PLD5: variants seen among roughly 807,000 people sequenced by gnomAD.
The protein encoded by PLD5 is inactive phospholipase D5.
A neutral mutation model predicts 61.1 loss-of-function variants in PLD5; 36 were observed. The ratio of observed to expected loss-of-function variants is 0.59; its 90% confidence interval spans 0.45 to 0.78. PLD5 has a LOEUF of 0.78. Among genes scored for constraint, PLD5 ranks in the 30% least tolerant of loss-of-function variants. The pLI is 0.00. For synonymous variants in PLD5, 243 were observed against 242.8 expected, an observed-to-expected ratio of 1.00 and a Z score of -0.01; for missense variants, 515 against 644.4, an observed-to-expected ratio of 0.80 and a Z score of 2.17.
At chr1:242,392,504 G>A (rs1255776307) in intron 1 of PLD5, among the ~76,000 whole-genome samples, 1 of 152,192 alleles carries the variant, frequency 6.6e-6, no homozygotes, top group Non-Finnish European at 1.5e-5. Flanking sequence ...CTGCTGACCT[G>A]GGTTAGAAGC....
At chr1:242,098,724 C>T (rs537328097) in intron 9 of PLD5, among the ~76,000 whole-genome samples, 5 of 152,294 alleles carry the variant, frequency 3.3e-5, no homozygotes, top group African/African-American at 9.6e-5. Context: ...TGGTGACGTA[C>T]AGATGGGGTT....
chr1:242,362,076 T>C (rs1661100669), intron 1 of PLD5, among the ~76,000 whole-genome samples: 1 of 151,878 alleles, frequency 6.6e-6, no homozygotes, highest in Non-Finnish European at 1.5e-5. Context: ...ACAAAAATTA[T>C]CCAAAAATTA....
At chr1:242,376,734 C>T (rs778054093) in intron 1 of PLD5, among the ~76,000 whole-genome samples, 5 of 152,002 alleles carry the variant, frequency 3.3e-5, no homozygotes, top group East Asian at 1.9e-4. Context: ...CTCTTTTAAA[C>T]GCAAATACTG....
chr1:242,109,019 C>T (rs192662152), intron 7 of PLD5, among the ~76,000 whole-genome samples: 10 of 152,336 alleles, frequency 6.6e-5, no homozygotes, highest in East Asian at 3.9e-4. Context: ...CCTGGATCCA[C>T]GCTACAGTTT....
At chr1:242,128,265 A>G (rs1212767004) in intron 5 of PLD5, among the ~76,000 whole-genome samples, 1 of 151,852 alleles carries the variant, frequency 6.6e-6, no homozygotes, top group Non-Finnish European at 1.5e-5. Context: ...TGATTGCCCT[A>G]CTGCACTCTA....
chr1:242,246,179 C>A (rs2149072353), intron 4 of PLD5, among the ~76,000 whole-genome samples: 1 of 151,768 alleles, frequency 6.6e-6, no homozygotes, highest in East Asian at 1.9e-4. Flanking sequence ...ACCAGCCTGG[C>A]AACACAGTGA....
At chr1:242,426,940 T>C (rs13374892) in intron 1 of PLD5, among the ~76,000 whole-genome samples, 19,986 of 152,128 alleles carry the variant, frequency 0.13, 1,378 homozygotes, top group African/African-American at 0.16. Flanking sequence ...CAACCCACCA[T>C]GCTTTTTACC....
intron 2 of PLD5, among the ~76,000 whole-genome samples, chr1:242,336,985 T>A (rs1574756626): frequency 6.6e-6 from 1 of 152,212 alleles, no homozygotes; most frequent in Non-Finnish European, 1.5e-5. Context: ...ATGATCACCA[T>A]CATTCTACGC....
At chr1:242,159,258 A>C (rs1054878558) in intron 5 of PLD5, among the ~76,000 whole-genome samples, 3 of 152,272 alleles carry the variant, frequency 2.0e-5, no homozygotes, top group Non-Finnish European at 1.5e-5. Flanking sequence ...TTAAGATTTC[A>C]GTTGGGTTTG....
intron 1 of PLD5, among the ~76,000 whole-genome samples, chr1:242,478,447 C>T (rs758131786): frequency 7.2e-5 from 11 of 152,178 alleles, no homozygotes; most frequent in Non-Finnish European, 1.2e-4. Flanking sequence ...AGACCCTGGT[C>T]CTGTCACTGC....
intron 1 of PLD5, among the ~76,000 whole-genome samples, chr1:242,452,923 A>G (rs530434055): frequency 6.6e-6 from 1 of 152,288 alleles, no homozygotes; most frequent in African/African-American, 2.4e-5. Flanking sequence ...AACAGTGAAA[A>G]GTCTGAGACC....
intron 5 of PLD5, chr1:242,203,727 A>G (rs923150968): frequency 6.6e-6 from 1 of 152,272 alleles, no homozygotes; most frequent in Admixed American, 6.6e-5. Flanking sequence ...CACGCTTCCT[A>G]TACAGCCTGC....
rs573901455 is a variant in PLD5 at position 242,442,447 on chromosome 1, C to T, written c.189+81641G>A. On this transcript the variant is annotated intron_variant, in intron 1 of 9. Transcript: ENST00000536534. ...GCACTGTTACATAAATGGGATTATTCGCTTCTTTTTTAAAACAAAAAATAA... is the reference window on the plus strand; with the variant it reads ...GCACTGTTACATAAATGGGATTATTTGCTTCTTTTTTAAAACAAAAAATAA... Among the ~76,000 whole-genome samples the T allele has an allele frequency of 3.2e-4, 49 of 152,188 alleles. No homozygotes were observed. In the South Asian group the frequency reaches 5.6e-3, roughly 17 times the overall value.
chr1:242,484,384 C>T (rs1192813300), intron 1 of PLD5, among the ~76,000 whole-genome samples: 1 of 152,120 alleles, frequency 6.6e-6, no homozygotes, highest in African/African-American at 2.4e-5. Context: ...GATATCACCA[C>T]CAATCCCACA....
At chr1:242,178,574 G>C (rs1182566730) in intron 5 of PLD5, among the ~76,000 whole-genome samples, 1 of 152,172 alleles carries the variant, frequency 6.6e-6, no homozygotes, top group Non-Finnish European at 1.5e-5. Flanking sequence ...AAGACAAGAT[G>C]GTGTTGTTGC....
At chr1:242,405,136 C>T (rs1361915688) in intron 1 of PLD5, among the ~76,000 whole-genome samples, 4 of 152,070 alleles carry the variant, frequency 2.6e-5, no homozygotes, top group African/African-American at 9.7e-5. Flanking sequence ...CTGCCTTGGC[C>T]TCCCAAAGTG....
intron 1 of PLD5, among the ~76,000 whole-genome samples, chr1:242,370,467 T>A (rs1661571990): frequency 6.6e-6 from 1 of 152,056 alleles, no homozygotes; most frequent in African/African-American, 2.4e-5. Flanking sequence ...ACAGAATAGA[T>A]GTGCCATTCT....
At chr1:242,239,843 A>G (rs1671883090) in intron 4 of PLD5, among the ~76,000 whole-genome samples, 1 of 152,238 alleles carries the variant, frequency 6.6e-6, no homozygotes, top group Non-Finnish European at 1.5e-5. Context: ...CTAATACTCA[A>G]TAAATATTTG....
At chr1:242,257,449 C>T (rs1172078336) in intron 4 of PLD5, among the ~76,000 whole-genome samples, 5 of 152,166 alleles carry the variant, frequency 3.3e-5, no homozygotes, top group Non-Finnish European at 7.3e-5. Context: ...GCTGGACCAT[C>T]AGGAGAAAGA....
Sources: gnomAD v4.1 joint callset for allele counts (sites outside exome capture counted in the v4.1 genomes callset) on GRCh38, gnomAD v4.1.1 for gene constraint, MANE v1.5 for transcripts, NCBI Gene and HGNC (gene_info 2026-07-23, HGNC 2026-07-21) for gene names.